Variants in DIP2B observed in about 807,000 individuals in gnomAD.
DIP2B encodes the protein disco-interacting protein 2 homolog B.
In DIP2B, 76 loss-of-function variants were observed where a neutral mutation model predicts 198.0. That is an observed-to-expected ratio of 0.38 (90% CI 0.32 to 0.46). DIP2B has a LOEUF of 0.46. Ranked by LOEUF, DIP2B falls within the 20% of genes least tolerant of loss-of-function variation. DIP2B has a pLI of 0.99. For synonymous variants in DIP2B, 701 were observed against 739.1 expected, an observed-to-expected ratio of 0.95 and a Z score of 0.84; for missense variants, 1,559 against 1,978.4, an observed-to-expected ratio of 0.79 and a Z score of 4.02.
At chr12:50,622,629 A>G (rs530425074) in intron 1 of DIP2B, among the ~76,000 whole-genome samples, 2 of 151,618 alleles carry the variant, frequency 1.3e-5, no homozygotes, top group Non-Finnish European at 1.5e-5. Context: ...TTTTTTTGAG[A>G]TGGAGTTTCA....
At chr12:50,566,864 C>G (rs534621175) in intron 1 of DIP2B, among the ~76,000 whole-genome samples, 6 of 148,918 alleles carry the variant, frequency 4.0e-5, no homozygotes, top group African/African-American at 1.5e-4. Context: ...CCCAGCTACT[C>G]GGGAGGCTGA....
chr12:50,627,963 A>C (rs975179909), intron 2 of DIP2B, among the ~76,000 whole-genome samples: 2 of 151,896 alleles, frequency 1.3e-5, no homozygotes, highest in South Asian at 2.1e-4. Context: ...TTAGATCCCA[A>C]CCCCTCCTCC....
chr12:50,553,307 C>T (rs1220701221), intron 1 of DIP2B, among the ~76,000 whole-genome samples: 1 of 152,180 alleles, frequency 6.6e-6, no homozygotes, highest in Non-Finnish European at 1.5e-5. Flanking sequence ...TTTGTGTGAT[C>T]ATTTGAATAT....
chr12:50,652,155 TA>T (rs961372909), intron 3 of DIP2B, among the ~76,000 whole-genome samples: 1 of 150,946 alleles, frequency 6.6e-6, no homozygotes. Flanking sequence ...CTACTAAAAA[TA>T]AAAAAAATTA....
intron 1 of DIP2B, among the ~76,000 whole-genome samples, chr12:50,528,808 C>T (rs916984561): frequency 3.3e-5 from 5 of 152,080 alleles, no homozygotes; most frequent in African/African-American, 9.7e-5. Context: ...GAAGGGATGT[C>T]AGGAGAGTTG....
intron 1 of DIP2B, among the ~76,000 whole-genome samples, chr12:50,590,919 A>G (rs1057056012): frequency 2.0e-5 from 3 of 152,196 alleles, no homozygotes; most frequent in Non-Finnish European, 2.9e-5. Context: ...GGTGTTGCCA[A>G]TGTGATACTT....
chr12:50,642,491 A>C (rs1938273874), intron 3 of DIP2B, among the ~76,000 whole-genome samples: 1 of 152,214 alleles, frequency 6.6e-6, no homozygotes, highest in South Asian at 2.1e-4. Flanking sequence ...AGGGAATAGA[A>C]GTATTTACTA....
At chr12:50,518,315 C>G (rs927325642) in intron 1 of DIP2B, among the ~76,000 whole-genome samples, 6 of 152,002 alleles carry the variant, frequency 3.9e-5, no homozygotes, top group Admixed American at 1.3e-4. Flanking sequence ...AGCTCCGCCC[C>G]CTGGGTTCAA....
At chr12:50,688,137 A>G (rs1939162922) in intron 12 of DIP2B, among the ~76,000 whole-genome samples, 3 of 151,934 alleles carry the variant, frequency 2.0e-5, no homozygotes, top group Admixed American at 2.0e-4. Context: ...ACTTGAACCC[A>G]GGATGCAGAG....
intron 1 of DIP2B, among the ~76,000 whole-genome samples, chr12:50,566,573 T>TA (rs1958565146): frequency 6.6e-6 from 1 of 152,204 alleles, no homozygotes; most frequent in Admixed American, 6.6e-5. Context: ...GTTTTCTTCT[T>TA]TCCTTCTGTG....
intron 20 of DIP2B, among the ~76,000 whole-genome samples, chr12:50,706,156 C>T (rs939631): frequency 0.89 from 134,937 of 152,216 alleles, 60,671 homozygotes; most frequent in Non-Finnish European, 0.98. Context: ...CTAATTCCAA[C>T]AGTAAATGAA....
intron 3 of DIP2B, among the ~76,000 whole-genome samples, chr12:50,650,474 C>T (rs1417146954): frequency 6.6e-6 from 1 of 152,098 alleles, no homozygotes; most frequent in South Asian, 2.1e-4. Context: ...CAACTCATTT[C>T]CCCCTCCTCT....
Position 50,697,167 on chromosome 12 carries a change from A to C in DIP2B, c.2040A>C (p.Ala680=), listed in dbSNP as rs1939326913. ...CGTCTGCTGAAGCCATGACTGTAGCAATCCGCAGGTACTGTTCAGGATGTC... is the reference window on the plus strand; with the variant it reads ...CGTCTGCTGAAGCCATGACTGTAGCCATCCGCAGGTACTGTTCAGGATGTC... ...CATSAEAMTV[A]IRRPGVPGAP... Residue 680 remains alanine (A), a synonymous_variant, in exon 17 of 38, where the codon GCA becomes GCC. Coordinates refer to ENST00000301180, the MANE Select transcript of DIP2B (RefSeq NM_173602.3). 2 of 1,613,978 alleles carry C rather than the reference A, an allele frequency of 1.2e-6. No homozygotes were observed. The highest frequency in any genetic ancestry group is 4.5e-5 in the East Asian group (2 of 44,878).
intron 3 of DIP2B, among the ~76,000 whole-genome samples, chr12:50,657,628 CAA>C (rs530054510): frequency 1.5e-5 from 2 of 132,770 alleles, no homozygotes; most frequent in Admixed American, 7.6e-5. Context: ...CCCATCTTTA[CAA>C]AAAAAAAAAG....
intron 1 of DIP2B, among the ~76,000 whole-genome samples, chr12:50,609,329 T>C (rs1247025886): frequency 6.6e-6 from 1 of 152,236 alleles, no homozygotes; most frequent in African/African-American, 2.4e-5. Flanking sequence ...TTTGTATTTG[T>C]TGGACAATGG....
intron 12 of DIP2B, among the ~76,000 whole-genome samples, chr12:50,687,281 T>A (rs1939147471): frequency 6.6e-6 from 1 of 152,116 alleles, no homozygotes. Context: ...ACTTTATAGA[T>A]GAGGAGACTA....
chr12:50,510,638 A>AAAGTACC (rs1565807300), intron 1 of DIP2B, among the ~76,000 whole-genome samples: 1 of 149,440 alleles, frequency 6.7e-6, no homozygotes, highest in East Asian at 1.9e-4. Context: ...GGGTTCAGCT[A>AAAGTACC]AAGTACCACC....
Position 50,516,290 on chromosome 12 carries a change from C to T in DIP2B, c.100+11050C>T, listed in dbSNP as rs959921399. 3.3e-5 allele frequency among the ~76,000 whole-genome samples: 5 copies of T among 151,610 alleles called. No homozygotes were observed. The Middle Eastern group carries it at 0.014, about 413-fold the overall frequency. ...ATCTCTATATCGAGAGAGTCTTGCT[C>T]GTCACCAAGGCTGGAGTGCAGTGGC... On this transcript the variant is annotated intron_variant, in intron 1 of 37. Coordinates refer to ENST00000301180, the MANE Select transcript of DIP2B (RefSeq NM_173602.3).
At chr12:50,527,712 A>G (rs4768849) in intron 1 of DIP2B, among the ~76,000 whole-genome samples, 1,952 of 152,334 alleles carry the variant, frequency 0.013, 10 homozygotes, top group Non-Finnish European at 0.019. Context: ...CACATCTTAA[A>G]GAAAAGATTA....
Sources: gnomAD v4.1 joint callset for allele counts (sites outside exome capture counted in the v4.1 genomes callset) on GRCh38, gnomAD v4.1.1 for gene constraint, MANE v1.5 for transcripts, NCBI Gene and HGNC (gene_info 2026-07-23, HGNC 2026-07-21) for gene names.